PRDM10: variants seen among roughly 807,000 people sequenced by gnomAD.
The protein encoded by PRDM10 is PR domain zinc finger protein 10.
PRDM10 carries 65 observed loss-of-function variants against 133.1 expected under a neutral mutation model. The observed-to-expected ratio is 0.49, with a 90% CI of 0.40 to 0.60. PRDM10 has a LOEUF of 0.60. PRDM10 is among the 20% of genes least tolerant of loss of function. The probability of loss-of-function intolerance (pLI) is 0.00; values close to 1 mark genes in which losing one functional copy is unlikely to be tolerated. For synonymous variants in PRDM10, 582 were observed against 580.4 expected, an observed-to-expected ratio of 1.00 and a Z score of -0.04; for missense variants, 1,137 against 1,507.1, an observed-to-expected ratio of 0.75 and a Z score of 4.07.
intron 4 of PRDM10, among the ~76,000 whole-genome samples, chr11:129,952,830 C>T (rs1458573922): frequency 6.6e-6 from 1 of 151,996 alleles, no homozygotes; most frequent in Non-Finnish European, 1.5e-5. Context: ...AATTCATGGC[C>T]AATCTTATTT....
intron 4 of PRDM10, among the ~76,000 whole-genome samples, chr11:129,953,826 C>CAA (rs10542747): frequency 7.0e-4 from 51 of 73,248 alleles, no homozygotes; most frequent in African/African-American, 1.2e-3. Context: ...TTTATAGTAG[C>CAA]AAAAAAAAAA....
intron 1 of PRDM10, among the ~76,000 whole-genome samples, chr11:129,963,553 CTG>C (rs1462031761): frequency 1.3e-5 from 2 of 152,012 alleles, no homozygotes; most frequent in African/African-American, 4.8e-5. Flanking sequence ...CAAAGAATTC[CTG>C]TGTTTCTTCA....
At chr11:129,928,338 T>C (rs1022647765) in intron 11 of PRDM10, among the ~76,000 whole-genome samples, 2 of 152,036 alleles carry the variant, frequency 1.3e-5, no homozygotes, top group Non-Finnish European at 1.5e-5. Context: ...TTTCATATTA[T>C]TTTAATCCTG....
At chr11:129,927,874 G>T (rs556258991) in intron 11 of PRDM10, among the ~76,000 whole-genome samples, 1 of 152,264 alleles carries the variant, frequency 6.6e-6, no homozygotes, top group African/African-American at 2.4e-5. Flanking sequence ...CACATTTCTA[G>T]AAGAAATCAT....
intron 1 of PRDM10, among the ~76,000 whole-genome samples, chr11:129,986,916 T>G (rs1302215089): frequency 2.0e-5 from 3 of 152,202 alleles, no homozygotes; most frequent in Non-Finnish European, 4.4e-5. Context: ...ATAGGAACAC[T>G]CAACAGTGCT....
At chr11:129,983,262 G>A (rs1938216132) in intron 1 of PRDM10, among the ~76,000 whole-genome samples, 1 of 150,246 alleles carries the variant, frequency 6.7e-6, no homozygotes, top group East Asian at 2.0e-4. Flanking sequence ...ACAAGCATGA[G>A]CCACCACGCC....
intron 1 of PRDM10, among the ~76,000 whole-genome samples, chr11:129,965,992 C>T (rs1951899630): frequency 6.6e-6 from 1 of 152,094 alleles, no homozygotes; most frequent in Non-Finnish European, 1.5e-5. Flanking sequence ...ACCTGTAATC[C>T]CAGCACTTTG....
chr11:129,957,642 G>A lies in PRDM10; in HGVS notation c.234+104C>T, dbSNP rs934365027. The A allele has an allele frequency of 4.3e-5, 59 of 1,383,018 alleles. No individual in the cohort carries two copies. In the African/African-American group the frequency reaches 6.1e-4, roughly 14 times the overall value. 85.7% of individuals were successfully genotyped at this position (1,383,018 alleles called of 1,614,324 possible). On this transcript the variant is annotated intron_variant, in intron 3 of 20. Transcript: ENST00000360871. ...GAGAGCACAGATCTTATCTGAATACGTACTGCATCACCAGTACCTAGCACA... is the reference window on the plus strand; with the variant it reads ...GAGAGCACAGATCTTATCTGAATACATACTGCATCACCAGTACCTAGCACA...
At chr11:129,956,625 T>C (rs1951701623) in intron 3 of PRDM10, among the ~76,000 whole-genome samples, 1 of 152,180 alleles carries the variant, frequency 6.6e-6, no homozygotes, top group Admixed American at 6.5e-5. Flanking sequence ...TTTAGTAACA[T>C]TGTAATAAAC....
chr11:129,995,465 AAG>A (rs1173972007), intron 1 of PRDM10, among the ~76,000 whole-genome samples: 1 of 152,206 alleles, frequency 6.6e-6, no homozygotes, highest in East Asian at 1.9e-4. Flanking sequence ...AAGTCAAACA[AAG>A]AGCAATAATT....
chr11:129,955,486 C>A, intron 4 of PRDM10, 26 bp downstream of exon 4: 1 of 1,611,770 alleles, frequency 6.2e-7, no homozygotes, highest in South Asian at 1.1e-5. Context: ...GTGTTATCCC[C>A]AAACAAGAAA....
intron 11 of PRDM10, among the ~76,000 whole-genome samples, chr11:129,927,895 G>A (rs528045395): frequency 4.7e-5 from 7 of 149,404 alleles, no homozygotes; most frequent in South Asian, 2.1e-4. Flanking sequence ...GACAAATGTC[G>A]GAGAGAGCGC....
intron 6 of PRDM10, 82 bp downstream of exon 6, chr11:129,944,689 A>C (rs1951346732): frequency 6.5e-7 from 1 of 1,531,272 alleles, no homozygotes; most frequent in Admixed American, 2.1e-5. Flanking sequence ...AAGAAACAGG[A>C]ATAAGAGACT....
rs144671187 is a variant in PRDM10, at chr11:129,918,653, G to A, written c.2100C>T (p.Ala700=). The A allele has an allele frequency of 2.8e-4, 445 of 1,614,138 alleles. 3 individuals are homozygous for A. Among genetic ancestry groups the A allele is most frequent in the Middle Eastern group, 2.5e-3 (15 of 6,062 alleles). Residue 700 remains alanine, a synonymous_variant, in exon 14 of 21, where the codon GCC becomes GCT. Coordinates refer to ENST00000360871, the MANE Select transcript of PRDM10 (RefSeq NM_199437.2). The surrounding 1 kb of genome is among the most constrained non-coding windows in gnomAD (Gnocchi z 5.3). Reference sequence around the variant, plus strand: ...ACGTCTTGGAGCGGCTGATGCGGTCGGCTTTCTTGGCCTCCCTCTCAGGAT... The same window carrying A: ...ACGTCTTGGAGCGGCTGATGCGGTCAGCTTTCTTGGCCTCCCTCTCAGGAT... The part of the protein sequence containing the change: ...MHNPEREAKK[A]DRISRSKTFK...
At chr11:129,948,339 T>C (rs942894129) in intron 4 of PRDM10, among the ~76,000 whole-genome samples, 1 of 152,162 alleles carries the variant, frequency 6.6e-6, no homozygotes, top group Admixed American at 6.5e-5. Context: ...TTTTTAAAAA[T>C]GCCACTCCCT....
At chr11:129,954,507 C>T (rs927571625) in intron 4 of PRDM10, among the ~76,000 whole-genome samples, 1 of 151,886 alleles carries the variant, frequency 6.6e-6, no homozygotes, top group Admixed American at 6.6e-5. Flanking sequence ...TCAATTGATC[C>T]GCCCACCTCA....
At chr11:129,940,930 A>G (rs1483539109) in intron 7 of PRDM10, among the ~76,000 whole-genome samples, 1 of 152,190 alleles carries the variant, frequency 6.6e-6, no homozygotes, top group Non-Finnish European at 1.5e-5. Context: ...TTATAGTTCT[A>G]TCTACTGGTT....
At chr11:129,936,680 G>A (rs1021521077) in intron 8 of PRDM10, among the ~76,000 whole-genome samples, 6 of 151,948 alleles carry the variant, frequency 3.9e-5, no homozygotes, top group Non-Finnish European at 5.9e-5. Flanking sequence ...GTGCTTTTCC[G>A]AGTTCTGTGA....
In PRDM10 at chr11:129,960,821, G is replaced by A. The variant is rs183872061; in HGVS notation, c.69+75C>T. ...GACTAGTCACTACTAGATAGCAGCT[G>A]TATTTCTTTGCTGTCAGCAAACTGA... On this transcript the variant is annotated intron_variant, in intron 2 of 20. Transcript: ENST00000360871. 1.1e-4 allele frequency: 164 copies of A among 1,472,612 alleles called. No homozygotes were observed. The East Asian group carries it at 3.4e-3, about 31-fold the overall frequency. The allele number at this position is 1,472,612 out of a possible 1,614,324, so 91.2% of individuals were successfully genotyped here. A position where few individuals can be genotyped will look rare whatever the true frequency, so the allele number is the denominator to read the frequency against.
Sources: allele counts gnomAD v4.1 joint callset (sites outside exome capture counted in the v4.1 genomes callset), GRCh38; gene constraint gnomAD v4.1.1; non-coding constraint Gnocchi (gnomAD v3.1); transcripts MANE v1.5; gene names NCBI Gene and HGNC (gene_info 2026-07-23, HGNC 2026-07-21).